The following AUTS2 variants were observed in gnomAD, a reference collection of about 807,000 sequenced individuals.
The protein encoded by AUTS2 is activator of transcription and developmental regulator AUTS2.
AUTS2 carries 17 observed loss-of-function variants against 112.4 expected under a neutral mutation model. That is an observed-to-expected ratio of 0.15 (90% CI 0.10 to 0.23). The LOEUF is 0.23. AUTS2 is among the 10% of genes least tolerant of loss of function. The pLI, the probability that AUTS2 is intolerant of heterozygous loss-of-function variation, is 1.00. For missense variants in AUTS2, 1,510 were observed against 1,701.6 expected, an observed-to-expected ratio of 0.89 and a Z score of 1.98; for synonymous variants, 751 against 702.7, an observed-to-expected ratio of 1.07 and a Z score of -1.09.
intron 5 of AUTS2, among the ~76,000 whole-genome samples, chr7:70,620,182 A>G (rs1362590388): frequency 6.6e-6 from 1 of 152,198 alleles, no homozygotes; most frequent in African/African-American, 2.4e-5. Context: ...CTCAATTTAT[A>G]GAACAGACAC....
intron 5 of AUTS2, among the ~76,000 whole-genome samples, chr7:70,541,655 A>G (rs1800557716): frequency 6.6e-6 from 1 of 152,244 alleles, no homozygotes; most frequent in Non-Finnish European, 1.5e-5. Flanking sequence ...GGGATACAGC[A>G]GGAAATCAGA....
chr7:69,969,652 A>G (rs1476316915), intron 2 of AUTS2, among the ~76,000 whole-genome samples: 3 of 152,226 alleles, frequency 2.0e-5, no homozygotes, highest in African/African-American at 7.2e-5. Flanking sequence ...GACAGCATTG[A>G]TAACAAAACA....
chr7:70,155,813 A>G (rs1290417965), intron 4 of AUTS2, among the ~76,000 whole-genome samples: 1 of 152,110 alleles, frequency 6.6e-6, no homozygotes, highest in Non-Finnish European at 1.5e-5. Context: ...ACTGGCCACT[A>G]TACCTCTTTG....
At chr7:69,668,551 C>T (rs1217116445) in intron 1 of AUTS2, among the ~76,000 whole-genome samples, 1 of 152,184 alleles carries the variant, frequency 6.6e-6, no homozygotes, top group East Asian at 1.9e-4. Flanking sequence ...GATATCCTGT[C>T]AATCAAGAGA....
chr7:70,134,795 C>T lies in AUTS2; in HGVS notation c.660+224C>T, dbSNP rs536668547. ...TCCGAGGTATATACCTGGTTCCTAA[C>T]GCCCAGGACATTAAGCTCCTTACCT... On this transcript the variant is annotated intron_variant, in intron 4 of 18. Coordinates refer to ENST00000342771, the MANE Select transcript of AUTS2 (RefSeq NM_015570.4). 3.9e-5 allele frequency among the ~76,000 whole-genome samples: 6 copies of T among 152,234 alleles called. No individual in the cohort carries two copies. The East Asian group carries it at 7.7e-4, about 20-fold the overall frequency.
chr7:69,604,001 G>C (rs756619545), intron 1 of AUTS2, among the ~76,000 whole-genome samples: 9 of 152,142 alleles, frequency 5.9e-5, no homozygotes. Flanking sequence ...TTGTGCACTG[G>C]GTTCTTAGGG....
intron 5 of AUTS2, among the ~76,000 whole-genome samples, chr7:70,551,835 A>G (rs1801025766): frequency 1.3e-5 from 2 of 152,194 alleles, no homozygotes; most frequent in Non-Finnish European, 2.9e-5. Context: ...TATCTTCTCA[A>G]TTTCTCTGGA....
intron 1 of AUTS2, among the ~76,000 whole-genome samples, chr7:69,699,639 GTT>G (rs748794120): frequency 1.8e-5 from 2 of 111,500 alleles, no homozygotes; most frequent in African/African-American, 3.4e-5. Context: ...CAGTGATAAT[GTT>G]TTTTTTTTTT....
chr7:69,910,466 G>A (rs1244427758), intron 2 of AUTS2, among the ~76,000 whole-genome samples: 2 of 152,114 alleles, frequency 1.3e-5, no homozygotes, highest in African/African-American at 4.8e-5. Flanking sequence ...CCCAAGACTG[G>A]GCAATTTATA....
At chr7:70,576,728 C>T (rs564845238) in intron 5 of AUTS2, among the ~76,000 whole-genome samples, 1 of 152,120 alleles carries the variant, frequency 6.6e-6, no homozygotes, top group South Asian at 2.1e-4. Flanking sequence ...TCTAGATTGG[C>T]ATTTTCTGAA....
chr7:70,392,943 A>C (rs922059522), intron 4 of AUTS2, among the ~76,000 whole-genome samples: 8 of 152,234 alleles, frequency 5.3e-5, no homozygotes, highest in Non-Finnish European at 8.8e-5. Context: ...GAGGTTTTCT[A>C]CTGGGGCCAT....
chr7:69,920,793 A>G (rs1355498738), intron 2 of AUTS2, among the ~76,000 whole-genome samples: 1 of 152,158 alleles, frequency 6.6e-6, no homozygotes, highest in African/African-American at 2.4e-5. Context: ...TATTCAGTAC[A>G]TGTTTTACAT....
In AUTS2 at chr7:70,649,971, G is replaced by T. The variant is rs1273501298; in HGVS notation, c.691-48598G>T. ...CAGCCACAAGTAACAGAACAAAATG[G>T]CTTCAACCATGGCAGGGGGGCGGGT... is the stretch of plus-strand genomic sequence containing the variant. On this transcript the variant is annotated intron_variant, in intron 5 of 18. Coordinates refer to ENST00000342771, the MANE Select transcript of AUTS2 (RefSeq NM_015570.4). 2.0e-5 allele frequency among the ~76,000 whole-genome samples: 3 copies of T among 152,170 alleles called. No individual in the cohort carries two copies. The East Asian group carries it at 5.8e-4, about 29-fold the overall frequency.
chr7:70,712,340 G>A (rs147572175), intron 6 of AUTS2, among the ~76,000 whole-genome samples: 4 of 150,208 alleles, frequency 2.7e-5, no homozygotes, highest in African/African-American at 4.9e-5. Context: ...GAGCCACCAC[G>A]CCCAGTGTCC....
chr7:70,484,406 G>A (rs1003332829), intron 5 of AUTS2, among the ~76,000 whole-genome samples: 2 of 152,190 alleles, frequency 1.3e-5, no homozygotes, highest in Non-Finnish European at 2.9e-5. Context: ...AGTACTTGGG[G>A]ATTTGTTTGG....
chr7:70,011,400 C>T (rs1430053954), intron 2 of AUTS2, among the ~76,000 whole-genome samples: 1 of 146,004 alleles, frequency 6.8e-6, no homozygotes, highest in Non-Finnish European at 1.5e-5. Flanking sequence ...CCACTTCTAC[C>T]CTCATTTACT....
intron 1 of AUTS2, among the ~76,000 whole-genome samples, chr7:69,675,015 T>TAAA (rs1438451159): frequency 5.1e-4 from 77 of 152,348 alleles, no homozygotes; most frequent in African/African-American, 1.8e-3. Flanking sequence ...GACTGACAGT[T>TAAA]GACAATGGTG....
At chr7:70,439,197 G>A (rs1282341630) in intron 5 of AUTS2, among the ~76,000 whole-genome samples, 1 of 152,134 alleles carries the variant, frequency 6.6e-6, no homozygotes, top group African/African-American at 2.4e-5. Context: ...TCCCAGCCAC[G>A]TGAATACATT....
chr7:70,620,190 C>T (rs1167111915), intron 5 of AUTS2, among the ~76,000 whole-genome samples: 1 of 152,194 alleles, frequency 6.6e-6, no homozygotes, highest in Non-Finnish European at 1.5e-5. Context: ...ATAGAACAGA[C>T]ACCTTCCTGA....
Sources: allele counts gnomAD v4.1 joint callset (sites outside exome capture counted in the v4.1 genomes callset), GRCh38; gene constraint gnomAD v4.1.1; transcripts MANE v1.5; gene names NCBI Gene and HGNC (gene_info 2026-07-23, HGNC 2026-07-21).